DLG2: variants seen among roughly 807,000 people sequenced by gnomAD.
DLG2 encodes the protein disks large homolog 2.
In DLG2, 45 loss-of-function variants were observed where a neutral mutation model predicts 132.5. The ratio of observed to expected loss-of-function variants is 0.34; its 90% CI spans 0.27 to 0.44. DLG2 has a LOEUF of 0.44. Ranked by LOEUF, DLG2 falls within the 20% of genes least tolerant of loss-of-function variation. The pLI, the probability that DLG2 is intolerant of heterozygous loss-of-function variation, is 1.00. For synonymous variants in DLG2, 424 were observed against 419.6 expected (o/e 1.01, Z -0.13); for missense variants, 1,045 against 1,196.9 (o/e 0.87, Z 1.87).
At chr11:84,387,114 C>T (rs1395766308) in intron 7 of DLG2, among the ~76,000 whole-genome samples, 1 of 151,984 alleles carries the variant, frequency 6.6e-6, no homozygotes, top group African/African-American at 2.4e-5. Flanking sequence ...GTGGTGGAAG[C>T]AGTTGAGTCC....
intron 18 of DLG2, among the ~76,000 whole-genome samples, chr11:83,716,222 C>T (rs753877071): frequency 4.6e-5 from 7 of 151,884 alleles, no homozygotes; most frequent in African/African-American, 7.3e-5. Flanking sequence ...TTTGATTTTC[C>T]GCAGAAGAAA....
intron 17 of DLG2, among the ~76,000 whole-genome samples, chr11:83,788,861 C>A (rs1310680877): frequency 2.0e-5 from 3 of 152,158 alleles, no homozygotes; most frequent in South Asian, 2.1e-4. Flanking sequence ...CTTTTAGGAT[C>A]ATCTAATATT....
chr11:84,203,460 T>C (rs1176314283), intron 8 of DLG2, among the ~76,000 whole-genome samples: 1 of 151,658 alleles, frequency 6.6e-6, no homozygotes, highest in African/African-American at 2.4e-5. Flanking sequence ...CGGGTGCCTG[T>C]AGTTCCAGCT....
intron 8 of DLG2, among the ~76,000 whole-genome samples, chr11:84,179,677 CA>C (rs1397718004): frequency 1.3e-5 from 2 of 152,108 alleles, no homozygotes; most frequent in East Asian, 3.9e-4. Context: ...TAGGTTAGAG[CA>C]TTCAGTGCTT....
intron 4 of DLG2, among the ~76,000 whole-genome samples, chr11:85,220,629 G>GAA (rs568361391): frequency 0.019 from 2,754 of 144,488 alleles, 50 homozygotes; most frequent in Admixed American, 0.035. Context: ...ATATCAAATA[G>GAA]AAAAAAAAAT....
At chr11:84,163,416 G>A (rs1224682203) in intron 9 of DLG2, 45 bp downstream of exon 9, 6 of 1,521,974 alleles carry the variant, frequency 3.9e-6, no homozygotes, top group South Asian at 1.2e-5. Flanking sequence ...AATAGAATGT[G>A]AAATGCAAGA....
chr11:85,546,818 C>CTTTTTTTTTTTTTTTTTTTTTTT (rs34822004), intron 3 of DLG2, among the ~76,000 whole-genome samples: 1 of 68,972 alleles, frequency 1.4e-5, no homozygotes, highest in Non-Finnish European at 2.6e-5. Flanking sequence ...ATAACCCCTG[C>CTTTTTTTTTTTTTTTTTTTTTTT]TTTTTTTTTT....
At chr11:84,513,605 A>T (rs2099263554) in intron 7 of DLG2, among the ~76,000 whole-genome samples, 3 of 152,112 alleles carry the variant, frequency 2.0e-5, no homozygotes, top group Admixed American at 2.0e-4. Context: ...TCTTCAATAA[A>T]GGTGTTGGGA....
intron 8 of DLG2, among the ~76,000 whole-genome samples, chr11:84,177,953 C>A (rs751731089): frequency 9.9e-5 from 15 of 151,822 alleles, no homozygotes; most frequent in Non-Finnish European, 1.5e-4. Context: ...ATAGCCATTT[C>A]TGGACTTTGA....
chr11:84,175,361 C>T (rs1297883134), intron 8 of DLG2, among the ~76,000 whole-genome samples: 1 of 151,942 alleles, frequency 6.6e-6, no homozygotes, highest in African/African-American at 2.4e-5. Flanking sequence ...TATGTTTGCC[C>T]CTAGTAGCCG....
intron 19 of DLG2, among the ~76,000 whole-genome samples, chr11:83,582,224 G>C (rs1275115884): frequency 1.3e-5 from 2 of 151,990 alleles, no homozygotes; most frequent in Non-Finnish European, 2.9e-5. Context: ...CCAAAGTGCT[G>C]GGATTATAGG....
At chr11:85,442,499 G>A (rs543461817) in intron 3 of DLG2, among the ~76,000 whole-genome samples, 62 of 152,162 alleles carry the variant, frequency 4.1e-4, no homozygotes, top group African/African-American at 1.2e-3. Context: ...GAGAAACCTC[G>A]GTATATGGTG....
chr11:84,425,229 T>C (rs2098962618), intron 7 of DLG2, among the ~76,000 whole-genome samples: 1 of 152,124 alleles, frequency 6.6e-6, no homozygotes, highest in African/African-American at 2.4e-5. Flanking sequence ...GAATTTTATT[T>C]TCCTGGGGTC....
At chr11:83,757,001 T>C (rs1203272566) in intron 18 of DLG2, among the ~76,000 whole-genome samples, 1 of 152,226 alleles carries the variant, frequency 6.6e-6, no homozygotes, top group Non-Finnish European at 1.5e-5. Flanking sequence ...ATACACAATA[T>C]GCATATGTGG....
intron 11 of DLG2, among the ~76,000 whole-genome samples, chr11:84,050,804 G>C (rs1198172606): frequency 6.6e-6 from 1 of 151,828 alleles, no homozygotes; most frequent in African/African-American, 2.4e-5. Context: ...TTTTTGTCAG[G>C]TTTGTCAAAG....
intron 10 of DLG2, among the ~76,000 whole-genome samples, chr11:84,096,266 G>C (rs1440570831): frequency 6.6e-6 from 1 of 152,160 alleles, no homozygotes; most frequent in African/African-American, 2.4e-5. Context: ...GTGTGTGTGT[G>C]TGTGTGTGTC....
chr11:85,222,490 T>C (rs10736770), intron 4 of DLG2, among the ~76,000 whole-genome samples: 152,275 of 152,308 alleles, frequency 1, 76,121 homozygotes, highest in Middle Eastern at 1. Context: ...GTGCTTATTA[T>C]GAGCCAGTTA....
chr11:84,224,778 A>G lies in DLG2; in HGVS notation c.573+26460T>C, dbSNP rs146668830. Among the ~76,000 whole-genome samples the G allele has an allele frequency of 3.3e-3, 502 of 152,230 alleles. 2 individuals carry two copies. The highest frequency in any genetic ancestry group is 5.9e-3 in the Non-Finnish European group (400 of 68,012). On this transcript the variant is annotated intron_variant, in intron 8 of 27. Coordinates refer to ENST00000376104, the MANE Select transcript of DLG2 (RefSeq NM_001142699.3). ...ACAGCCACCTGTTCTGCATCCTCTC[A>G]CTGTTTCTAATCTTACGGATCTTAT...
chr11:85,462,446 A>G (rs1311620704), intron 3 of DLG2, among the ~76,000 whole-genome samples: 1 of 152,228 alleles, frequency 6.6e-6, no homozygotes, highest in African/African-American at 2.4e-5. Flanking sequence ...TGTGGCACAC[A>G]TACACCAGGG....
Sources: gnomAD v4.1 joint callset for allele counts (sites outside exome capture counted in the v4.1 genomes callset) on GRCh38, gnomAD v4.1.1 for gene constraint, MANE v1.5 for transcripts, NCBI Gene and HGNC (gene_info 2026-07-23, HGNC 2026-07-21) for gene names.